Variants in RARB observed in about 807,000 individuals in gnomAD.
RARB encodes retinoic acid receptor beta.
In RARB, 17 loss-of-function variants were observed where a neutral mutation model predicts 51.9. That is an observed-to-expected ratio of 0.33 (90% CI 0.22 to 0.49). The LOEUF (loss-of-function observed/expected upper bound fraction) is 0.49. RARB is among the 20% of genes least tolerant of loss of function. The pLI is 0.99. For missense variants in RARB, 369 were observed against 550.8 expected (o/e 0.67, Z 3.30); for synonymous variants, 215 against 195.4 (o/e 1.10, Z -0.84).
intron 5 of RARB, among the ~76,000 whole-genome samples, chr3:25,205,866 C>G (rs889231933): frequency 2.0e-5 from 3 of 152,022 alleles, no homozygotes; most frequent in Non-Finnish European, 2.9e-5. Flanking sequence ...CCTCAGCTTC[C>G]TCAGTTAGTT....
chr3:25,116,503 T>G (rs1018620455), intron 3 of RARB, among the ~76,000 whole-genome samples: 1 of 152,248 alleles, frequency 6.6e-6, no homozygotes, highest in Middle Eastern at 3.4e-3. Flanking sequence ...CTCGGTCTAC[T>G]TAATGTTTTC....
intron 2 of RARB, among the ~76,000 whole-genome samples, chr3:24,982,585 A>G (rs1696701810): frequency 6.6e-6 from 1 of 152,146 alleles, no homozygotes. Flanking sequence ...ATACCTGAGT[A>G]ATACTTTCTT....
At chr3:25,332,665 G>A (rs138243183) in intron 5 of RARB, among the ~76,000 whole-genome samples, 2,245 of 152,274 alleles carry the variant, frequency 0.015, 52 homozygotes, top group African/African-American at 0.051. Context: ...AGTGCTGGAA[G>A]TTCTGGCCAG....
chr3:24,933,351 T>G (rs1695481274), intron 2 of RARB, among the ~76,000 whole-genome samples: 1 of 152,116 alleles, frequency 6.6e-6, no homozygotes, highest in Admixed American at 6.6e-5. Flanking sequence ...TCTGATGTCT[T>G]CTATACTGTT....
In RARB at chr3:25,297,870, G is replaced by C. The variant is rs192046596; in HGVS notation, c.178+123295G>C. ...TTTTTAGAGGCTTTTTGAAATGACA[G>C]ATGGGCTCAACTGCTTTTAATGCCT... On this transcript the variant is annotated intron_variant, in intron 5 of 11. Transcript: ENST00000383772. Among the ~76,000 whole-genome samples the C allele has an allele frequency of 2.2e-3, 328 of 152,304 alleles. 2 individuals carry two copies. Among genetic ancestry groups the C allele is most frequent in the Admixed American group, 6.2e-3 (95 of 15,300 alleles).
intron 2 of RARB, among the ~76,000 whole-genome samples, chr3:25,490,308 A>G (rs1696667363): frequency 6.6e-6 from 1 of 152,222 alleles, no homozygotes; most frequent in African/African-American, 2.4e-5. Flanking sequence ...GTACTAATTT[A>G]GGTCCTTAAC....
chr3:25,162,953 G>A (rs1473398534), intron 4 of RARB, among the ~76,000 whole-genome samples: 2 of 152,146 alleles, frequency 1.3e-5, no homozygotes, highest in Non-Finnish European at 2.9e-5. Flanking sequence ...TGAAATTACT[G>A]GGTTATATGG....
rs191063566 is a variant in RARB, at chr3:24,852,987, G to T, written c.-458-5687G>T. Among the ~76,000 whole-genome samples the T allele has an allele frequency of 1.5e-3, 230 of 152,114 alleles. 1 individual carries two copies. The highest frequency in any genetic ancestry group is 5.1e-3 in the African/African-American group (210 of 41,498). ...ACATTTTATGCTGGTGAATTGTATG[G>T]TATATAAACTATATCTCAATAATGC... On this transcript the variant is annotated intron_variant, in intron 1 of 11. Transcript: ENST00000383772.
At chr3:25,337,461 T>A (rs1217123106) in intron 5 of RARB, among the ~76,000 whole-genome samples, 1 of 152,188 alleles carries the variant, frequency 6.6e-6, no homozygotes, top group East Asian at 1.9e-4. Context: ...AATAGCTACA[T>A]TTAGCCTCAC....
intron 2 of RARB, among the ~76,000 whole-genome samples, chr3:24,974,375 T>C (rs955202009): frequency 3.3e-5 from 5 of 152,138 alleles, no homozygotes; most frequent in Admixed American, 6.6e-5. Flanking sequence ...TGAATAAGTA[T>C]TAACTTTTAG....
At chr3:25,486,401 A>G (rs1696469917) in intron 2 of RARB, among the ~76,000 whole-genome samples, 1 of 152,142 alleles carries the variant, frequency 6.6e-6, no homozygotes, top group Non-Finnish European at 1.5e-5. Flanking sequence ...AGCCCTTTGG[A>G]CTTCTACTTG....
At chr3:25,359,821 T>C (rs1350355699) in intron 5 of RARB, among the ~76,000 whole-genome samples, 1 of 152,210 alleles carries the variant, frequency 6.6e-6, no homozygotes, top group Non-Finnish European at 1.5e-5. Flanking sequence ...CTAATGTGAT[T>C]GTACTGTGGT....
Position 25,572,635 on chromosome 3 carries a change from G to A in RARB, c.609+2717G>A, listed in dbSNP as rs62235700. Among the ~76,000 whole-genome samples, 1,243 of 152,306 alleles carry A rather than the reference G, an allele frequency of 8.2e-3. 3 individuals carry two copies. Among genetic ancestry groups the A allele is most frequent in the Admixed American group, 0.013 (202 of 15,306 alleles). On this transcript the variant is annotated intron_variant, in intron 4 of 7. Transcript: ENST00000330688. The stretch of plus-strand genomic sequence containing the variant: ...GGGGCCATTGGCGGCATCTAGCTAG[G>A]AGGAGAGAGCTGTGACCCAGGAATA...
intron 2 of RARB, among the ~76,000 whole-genome samples, chr3:25,008,102 G>A (rs1175497772): frequency 1.3e-5 from 2 of 152,094 alleles, no homozygotes; most frequent in Non-Finnish European, 2.9e-5. Context: ...AGTATTTGTA[G>A]CTCTTGTAAT....
chr3:25,249,833 G>T (rs1245395803), intron 5 of RARB, among the ~76,000 whole-genome samples: 1 of 61,346 alleles, frequency 1.6e-5, no homozygotes, highest in Non-Finnish European at 2.8e-5. Context: ...CAGTCCTGGG[G>T]CCCCAGTGGT....
chr3:25,540,966 A>T (rs1258599386), intron 3 of RARB, among the ~76,000 whole-genome samples: 1 of 152,150 alleles, frequency 6.6e-6, no homozygotes, highest in Non-Finnish European at 1.5e-5. Flanking sequence ...GAGGAAAAAA[A>T]AAATGCCTTT....
chr3:25,470,472 A>G (rs1302059982), intron 2 of RARB, among the ~76,000 whole-genome samples: 1 of 152,188 alleles, frequency 6.6e-6, no homozygotes, highest in East Asian at 1.9e-4. Context: ...CTTTTATAGA[A>G]GATGTGATTT....
intron 5 of RARB, among the ~76,000 whole-genome samples, chr3:25,316,405 A>G (rs1391380666): frequency 6.6e-6 from 1 of 152,208 alleles, no homozygotes; most frequent in Non-Finnish European, 1.5e-5. Context: ...AATGGTACAA[A>G]GTGGAGTCTG....
intron 3 of RARB, among the ~76,000 whole-genome samples, chr3:25,538,003 T>C (rs553808349): frequency 6.6e-6 from 1 of 152,314 alleles, no homozygotes; most frequent in Non-Finnish European, 1.5e-5. Flanking sequence ...CAAAATCCCT[T>C]GTGTGCAGGA....
Sources: gnomAD v4.1 joint callset for allele counts (sites outside exome capture counted in the v4.1 genomes callset) on GRCh38, gnomAD v4.1.1 for gene constraint, MANE v1.5 for transcripts, NCBI Gene and HGNC (gene_info 2026-07-23, HGNC 2026-07-21) for gene names.